Variants in RANBP2 observed in about 807,000 individuals in gnomAD.
RANBP2 encodes E3 SUMO-protein ligase RanBP2.
A neutral mutation model predicts 303.6 loss-of-function variants in RANBP2; 57 were observed. The ratio of observed to expected loss-of-function variants is 0.19; its 90% CI spans 0.15 to 0.23. The LOEUF is 0.23. RANBP2 is among the 10% of genes least tolerant of loss of function. The probability of loss-of-function intolerance (pLI) is 1.00; values close to 1 mark genes in which losing one functional copy is unlikely to be tolerated. For missense variants in RANBP2, 3,138 were observed against 3,780.8 expected (o/e 0.83, Z 4.46); for synonymous variants, 1,167 against 1,301.5 (o/e 0.90, Z 2.23).
the RANBP2 span, among the ~76,000 whole-genome samples, chr2:108,916,552 T>C: frequency 6.6e-6 from 1 of 152,106 alleles, no homozygotes; most frequent in Non-Finnish European, 1.5e-5. Flanking sequence ...TCTATCCTGA[T>C]CACCGGATGG....
At chr2:108,857,713 A>G in the RANBP2 span, among the ~76,000 whole-genome samples, 5 of 152,224 alleles carry the variant, frequency 3.3e-5, no homozygotes, top group African/African-American at 1.2e-4. Context: ...CAGTTTACTA[A>G]TGTAAGGAGT....
the RANBP2 span, among the ~76,000 whole-genome samples, chr2:109,324,033 G>C: frequency 6.6e-6 from 1 of 152,078 alleles, no homozygotes; most frequent in Non-Finnish European, 1.5e-5. Context: ...CTTTCTTTCT[G>C]GACATTTCTA....
the RANBP2 span, among the ~76,000 whole-genome samples, chr2:109,346,682 T>G: frequency 7.0e-4 from 106 of 152,144 alleles, no homozygotes; most frequent in Admixed American, 2.7e-3. Flanking sequence ...ATCACATCAG[T>G]TTCCGGATTC....
chr2:108,739,062 C>T (rs1695855353), intron 6 of RANBP2, among the ~76,000 whole-genome samples: 1 of 152,116 alleles, frequency 6.6e-6, no homozygotes, highest in Non-Finnish European at 1.5e-5. Flanking sequence ...TTCTCATTTA[C>T]TTCCTCTTTC....
At chr2:109,070,067 G>A in the RANBP2 span, among the ~76,000 whole-genome samples, 1 of 152,216 alleles carries the variant, frequency 6.6e-6, no homozygotes, top group Non-Finnish European at 1.5e-5. Flanking sequence ...CAGGAAGGGA[G>A]CCAGCCTGCG....
chr2:109,121,104 C>T, the RANBP2 span, among the ~76,000 whole-genome samples: 7 of 152,138 alleles, frequency 4.6e-5, no homozygotes, highest in South Asian at 4.2e-4. Flanking sequence ...AAAAATTAGC[C>T]GGACAAGGTG....
At chr2:108,925,412 C>T in the RANBP2 span, among the ~76,000 whole-genome samples, 3 of 152,334 alleles carry the variant, frequency 2.0e-5, no homozygotes, top group South Asian at 4.1e-4. Context: ...GCACAACACC[C>T]GGCTTTATGA....
the RANBP2 span, among the ~76,000 whole-genome samples, chr2:109,688,691 GTC>G: frequency 9.7e-5 from 14 of 144,480 alleles, no homozygotes; most frequent in Non-Finnish European, 1.8e-4. Context: ...AGGCAGGAGA[GTC>G]TACTGAACCC....
the RANBP2 span, among the ~76,000 whole-genome samples, chr2:109,003,867 G>C: frequency 6.6e-6 from 1 of 152,182 alleles, no homozygotes; most frequent in Non-Finnish European, 1.5e-5. Flanking sequence ...AGAGACACCA[G>C]CAGAGTTGTT....
the RANBP2 span, chr2:109,617,077 G>T: frequency 6.0e-6 from 1 of 167,054 alleles, no homozygotes. Context: ...ATGTTTCTGT[G>T]AAGTAATTAT....
the RANBP2 span, chr2:108,794,574 T>G: frequency 6.2e-7 from 1 of 1,613,856 alleles, no homozygotes; most frequent in South Asian, 1.1e-5. Flanking sequence ...CATCGAGACC[T>G]CGGACTGAGT....
chr2:109,373,671 T>G, the RANBP2 span, among the ~76,000 whole-genome samples: 1 of 152,034 alleles, frequency 6.6e-6, no homozygotes, highest in African/African-American at 2.4e-5. Context: ...GTAAGGAGGT[T>G]CTGGGCTGCA....
chr2:109,536,201 C>T, the RANBP2 span, among the ~76,000 whole-genome samples: 2 of 152,148 alleles, frequency 1.3e-5, no homozygotes, highest in African/African-American at 4.8e-5. Context: ...ATGGTAGATC[C>T]ACTAACAGCT....
the RANBP2 span, among the ~76,000 whole-genome samples, chr2:109,420,662 G>C: frequency 0.047 from 7,192 of 152,196 alleles, 228 homozygotes; most frequent in Non-Finnish European, 0.073. Context: ...AGCCAGGATG[G>C]TCTCGATCTC....
chr2:109,599,077 T>C, the RANBP2 span, among the ~76,000 whole-genome samples: 1 of 152,070 alleles, frequency 6.6e-6, no homozygotes, highest in Non-Finnish European at 1.5e-5. Flanking sequence ...TAAAATTTTC[T>C]TAAAACAAGT....
chr2:109,632,964 A>G, the RANBP2 span, among the ~76,000 whole-genome samples: 1 of 152,298 alleles, frequency 6.6e-6, no homozygotes, highest in South Asian at 2.1e-4. Flanking sequence ...CCTTCTTTGT[A>G]TTGTACTCGC....
the RANBP2 span, among the ~76,000 whole-genome samples, chr2:109,217,562 T>A: frequency 6.6e-6 from 1 of 152,188 alleles, no homozygotes; most frequent in Non-Finnish European, 1.5e-5. Flanking sequence ...TTCCGGCAGA[T>A]TTTTCTCTAC....
At chr2:108,740,204 G>C (rs1695964761) in intron 6 of RANBP2, among the ~76,000 whole-genome samples, 1 of 152,124 alleles carries the variant, frequency 6.6e-6, no homozygotes, top group African/African-American at 2.4e-5. Context: ...GGTTTATTTT[G>C]AAATGTGCAC....
the RANBP2 span, among the ~76,000 whole-genome samples, chr2:109,346,975 G>A: frequency 9.2e-5 from 14 of 152,186 alleles, no homozygotes; most frequent in Admixed American, 7.9e-4. Context: ...CCTGCTCCTG[G>A]GCATGGCCCC....
Sources: gnomAD v4.1 joint callset for allele counts (sites outside exome capture counted in the v4.1 genomes callset) on GRCh38, gnomAD v4.1.1 for gene constraint, MANE v1.5 for transcripts, NCBI Gene and HGNC (gene_info 2026-07-23, HGNC 2026-07-21) for gene names.